Variants in SEMA3A observed in about 807,000 individuals in gnomAD.
SEMA3A encodes the protein semaphorin 3A, also known as semaphorin-3A.
Under a neutral mutation model 97.9 loss-of-function variants are expected in SEMA3A, and 29 were observed. That is an observed-to-expected ratio of 0.30 (90% confidence interval 0.22 to 0.40). The LOEUF is 0.40. Ranked by LOEUF, SEMA3A falls within the 10% of genes least tolerant of loss-of-function variation. SEMA3A has a pLI of 1.00. For synonymous variants in SEMA3A, 321 were observed against 323.7 expected (o/e 0.99, Z 0.09); for missense variants, 763 against 951.3 (o/e 0.80, Z 2.60).
chr7:84,318,362 G>A (rs1199153064), intron 2 of SEMA3A, among the ~76,000 whole-genome samples: 1 of 122,398 alleles, frequency 8.2e-6, no homozygotes, highest in Non-Finnish European at 1.6e-5. Flanking sequence ...TCGCTCTGTC[G>A]CCCAGGATGG....
chr7:84,322,778 A>T (rs1801680613), intron 2 of SEMA3A, among the ~76,000 whole-genome samples: 1 of 152,250 alleles, frequency 6.6e-6, no homozygotes, highest in African/African-American at 2.4e-5. Context: ...TTTTAGAAAG[A>T]TACAAAAATA....
At chr7:84,303,871 C>A (rs899474718) in intron 3 of SEMA3A, among the ~76,000 whole-genome samples, 1 of 152,106 alleles carries the variant, frequency 6.6e-6, no homozygotes, top group African/African-American at 2.4e-5. Context: ...GTATTAAATG[C>A]GTTTTCGACT....
At chr7:84,432,862 T>TTTC (rs1203332425) in intron 1 of SEMA3A, among the ~76,000 whole-genome samples, 3 of 128,334 alleles carry the variant, frequency 2.3e-5, no homozygotes, top group Non-Finnish European at 4.5e-5. Flanking sequence ...AAATGTGAAT[T>TTTC]TTTTTTTTTT....
intron 6 of SEMA3A, among the ~76,000 whole-genome samples, chr7:84,024,665 C>A (rs1203492744): frequency 6.6e-6 from 1 of 152,194 alleles, no homozygotes; most frequent in African/African-American, 2.4e-5. Context: ...TTAGGGAATA[C>A]ACATACATCT....
intron 3 of SEMA3A, 30 bp from the exon 4 acceptor site, chr7:84,110,619 T>G (rs748788385): frequency 6.2e-7 from 1 of 1,612,766 alleles, no homozygotes; most frequent in South Asian, 1.1e-5. Context: ...CCAAAGAGTT[T>G]CAGCAATCAG....
At chr7:84,181,952 T>C (rs1188171306) in intron 1 of SEMA3A, among the ~76,000 whole-genome samples, 1 of 152,164 alleles carries the variant, frequency 6.6e-6, no homozygotes, top group Non-Finnish European at 1.5e-5. Context: ...AAAAGAATTC[T>C]GTCTTCCAGA....
intron 1 of SEMA3A, among the ~76,000 whole-genome samples, chr7:84,188,032 T>C (rs1038805765): frequency 3.3e-5 from 5 of 152,078 alleles, no homozygotes; most frequent in Admixed American, 3.3e-4. Context: ...ATGTTTATGA[T>C]TGCTGCAACG....
intron 12 of SEMA3A, among the ~76,000 whole-genome samples, chr7:83,990,484 T>C (rs1176391412): frequency 7.7e-6 from 1 of 129,860 alleles, no homozygotes; most frequent in Non-Finnish European, 1.7e-5. Context: ...CCATCTTGAA[T>C]TGATTTTTGT....
At chr7:84,244,489 C>G (rs1009088537) in intron 3 of SEMA3A, among the ~76,000 whole-genome samples, 1 of 152,130 alleles carries the variant, frequency 6.6e-6, no homozygotes, top group East Asian at 1.9e-4. Flanking sequence ...TGTCTGTGCA[C>G]ATGAGATGGG....
intron 2 of SEMA3A, among the ~76,000 whole-genome samples, chr7:84,352,340 A>C (rs1802457632): frequency 6.7e-6 from 1 of 150,146 alleles, no homozygotes; most frequent in Non-Finnish European, 1.5e-5. Context: ...GATTATGGTC[A>C]AATATAGTTT....
rs181324995 is a variant in SEMA3A, at chr7:84,303,440, G to C, written c.-83+3767C>G. ...ACATCTTGTAAGTGGTTAGAAAACA[G>C]ACTGAGATATAAATATGGTATAAGC... On this transcript the variant is annotated intron_variant, in intron 3 of 3. Transcript: ENST00000424555. 2.6e-5 allele frequency among the ~76,000 whole-genome samples: 4 copies of C among 151,894 alleles called. No individual in the cohort carries two copies. The East Asian group carries it at 7.8e-4, about 29-fold the overall frequency.
chr7:84,451,336 C>T (rs1805547503), intron 1 of SEMA3A, among the ~76,000 whole-genome samples: 1 of 152,136 alleles, frequency 6.6e-6, no homozygotes, highest in South Asian at 2.1e-4. Context: ...TATTTAAAGT[C>T]ACTTCCACCA....
intron 3 of SEMA3A, among the ~76,000 whole-genome samples, chr7:84,287,634 A>T (rs2115770121): frequency 6.6e-6 from 1 of 152,284 alleles, no homozygotes; most frequent in African/African-American, 2.4e-5. Flanking sequence ...AAAGTGGTCA[A>T]ACTACATTTT....
At chr7:84,254,717 T>C (rs1181813196) in intron 3 of SEMA3A, among the ~76,000 whole-genome samples, 1 of 152,168 alleles carries the variant, frequency 6.6e-6, no homozygotes, top group Non-Finnish European at 1.5e-5. Flanking sequence ...TTCTGTGTAA[T>C]CACCACCCAG....
intron 6 of SEMA3A, among the ~76,000 whole-genome samples, chr7:84,042,821 G>C (rs1369571084): frequency 6.6e-6 from 1 of 151,936 alleles, no homozygotes; most frequent in Non-Finnish European, 1.5e-5. Context: ...AAATAAATGT[G>C]AGCTAGAAAA....
At chr7:84,327,332 C>A (rs1337790541) in intron 2 of SEMA3A, among the ~76,000 whole-genome samples, 3 of 149,888 alleles carry the variant, frequency 2.0e-5, no homozygotes, top group Admixed American at 6.7e-5. Context: ...TCAGGGGGCA[C>A]TTCATGTAAA....
chr7:84,450,152 C>T (rs978722198), intron 1 of SEMA3A, among the ~76,000 whole-genome samples: 2 of 151,934 alleles, frequency 1.3e-5, no homozygotes, highest in African/African-American at 4.8e-5. Flanking sequence ...TTTTGGGAAA[C>T]CTCCATAATT....
chr7:84,332,509 A>G (rs1801931551), intron 2 of SEMA3A, among the ~76,000 whole-genome samples: 1 of 152,174 alleles, frequency 6.6e-6, no homozygotes, highest in Non-Finnish European at 1.5e-5. Context: ...CTACACTTAC[A>G]GGATAAAATT....
At chr7:84,312,872 TTATATATATATATATATATATATATA>T (rs377261705) in intron 2 of SEMA3A, among the ~76,000 whole-genome samples, 10 of 48,850 alleles carry the variant, frequency 2.0e-4, no homozygotes, top group African/African-American at 3.0e-4. Flanking sequence ...TGGTGTTGTT[TTATATATATATATATATATATATATA>T]TATATATATA....
Sources: allele counts gnomAD v4.1 joint callset (sites outside exome capture counted in the v4.1 genomes callset), GRCh38; gene constraint gnomAD v4.1.1; transcripts MANE v1.5; gene names NCBI Gene and HGNC (gene_info 2026-07-23, HGNC 2026-07-21).